Variants in URI1 observed in about 807,000 individuals in gnomAD.
The protein encoded by URI1 is URI1 prefoldin like chaperone, also known as unconventional prefoldin RPB5 interactor 1.
Under a neutral mutation model 60.2 loss-of-function variants are expected in URI1, and 39 were observed. The ratio of observed to expected loss-of-function variants is 0.65; its 90% CI spans 0.50 to 0.85. The LOEUF is 0.85. Among genes scored for constraint, URI1 ranks in the 40% least tolerant of loss-of-function variants. The pLI, the probability that URI1 is intolerant of heterozygous loss-of-function variation, is 0.00. For missense variants in URI1, 691 were observed against 665.9 expected (o/e 1.04, Z -0.42); for synonymous variants, 251 against 236.8 (o/e 1.06, Z -0.55).
intron 1 of URI1, among the ~76,000 whole-genome samples, chr19:29,946,767 G>A (rs1464813206): frequency 2.0e-5 from 3 of 152,284 alleles, no homozygotes; most frequent in Non-Finnish European, 2.9e-5. Context: ...TTCTTTCCAA[G>A]CCTAGAATCC....
intron 1 of URI1, among the ~76,000 whole-genome samples, chr19:29,944,193 A>AT (rs2055074692): frequency 6.8e-5 from 8 of 116,836 alleles, no homozygotes; most frequent in Non-Finnish European, 1.4e-4. Flanking sequence ...ATATATATAT[A>AT]AAACTTAACT....
At chr19:29,989,044 T>C (rs558292947) in intron 4 of URI1, among the ~76,000 whole-genome samples, 1 of 152,164 alleles carries the variant, frequency 6.6e-6, no homozygotes, top group Non-Finnish European at 1.5e-5. Context: ...GCACTTATTT[T>C]ATCTTTGTGT....
intron 1 of URI1, among the ~76,000 whole-genome samples, chr19:29,947,656 A>G (rs1233763000): frequency 1.3e-5 from 2 of 152,118 alleles, no homozygotes; most frequent in African/African-American, 4.8e-5. Context: ...ACTACTTTCT[A>G]TTGGGATGTT....
At chr19:29,975,999 T>C (rs2055518042) in intron 2 of URI1, among the ~76,000 whole-genome samples, 1 of 152,242 alleles carries the variant, frequency 6.6e-6, no homozygotes, top group Non-Finnish European at 1.5e-5. Context: ...CATTTAATAC[T>C]ATACCTACCC....
At chr19:30,006,684 C>A (rs575637141) in intron 6 of URI1, among the ~76,000 whole-genome samples, 1 of 152,164 alleles carries the variant, frequency 6.6e-6, no homozygotes, top group South Asian at 2.1e-4. Context: ...ATGATGGACT[C>A]GAGGTCATCT....
chr19:29,970,755 T>C (rs116262616), intron 1 of URI1, among the ~76,000 whole-genome samples: 2,068 of 152,214 alleles, frequency 0.014, 48 homozygotes, highest in African/African-American at 0.047. Flanking sequence ...TTTGGAGATA[T>C]ACTGACAAAA....
chr19:29,968,565 C>CTTTTTTTTTT (rs35475321), intron 1 of URI1, among the ~76,000 whole-genome samples: 14 of 74,428 alleles, frequency 1.9e-4, no homozygotes, highest in Non-Finnish European at 2.9e-4. Context: ...CTAATTTTTT[C>CTTTTTTTTTT]TTTTTTTTTT....
chr19:30,007,662 C>T, intron 7 of URI1, 24 bp downstream of exon 7: 1 of 1,545,172 alleles, frequency 6.5e-7, no homozygotes. Flanking sequence ...AATTATCTTT[C>T]CAAGATAATT....
At chr19:29,943,447 C>G (rs995714320) in intron 1 of URI1, among the ~76,000 whole-genome samples, 1 of 152,142 alleles carries the variant, frequency 6.6e-6, no homozygotes, top group African/African-American at 2.4e-5. Flanking sequence ...TCTGTCCCCT[C>G]AAGTGTCTTG....
Position 30,009,130 on chromosome 19 carries a change from A to T in URI1, c.812A>T (p.Asp271Val), listed in dbSNP as rs748013549. 6.2e-7 allele frequency: 1 copy of T among 1,613,966 alleles called. No individual in the cohort carries two copies. The highest frequency in any genetic ancestry group is 1.3e-5 in the African/African-American group (1 of 74,914). ...GACTCTCATACTCCTTGTCATAAGG[A>T]TGTTGCAAGTTCAGAACCATTCAGT... ...VTDSHTPCHK[D>V]VASSEPFSGQ... is the part of the protein sequence containing the mutation. Residue 271 changes from aspartate (D) to valine (V), a missense_variant, in exon 8 of 11, where the codon GAT becomes GTT. By Grantham distance (152) the Asp-to-Val change is radical. Coordinates refer to ENST00000392271, the MANE Select transcript of URI1 (RefSeq NM_003796.3).
chr19:29,983,710 GT>G (rs1046537846), intron 2 of URI1, among the ~76,000 whole-genome samples: 7 of 152,212 alleles, frequency 4.6e-5, no homozygotes, highest in Admixed American at 1.3e-4. Flanking sequence ...TCCAGAGAAA[GT>G]TTGACGGGCA....
chr19:29,990,762 G>A (rs1163234290), intron 4 of URI1, among the ~76,000 whole-genome samples: 2 of 152,026 alleles, frequency 1.3e-5, no homozygotes, highest in Non-Finnish European at 2.9e-5. Context: ...AGATTTTTAG[G>A]GGCAATGAAA....
At chr19:29,967,883 T>C (rs1343623576) in intron 1 of URI1, among the ~76,000 whole-genome samples, 1 of 152,226 alleles carries the variant, frequency 6.6e-6, no homozygotes, top group Non-Finnish European at 1.5e-5. Context: ...AAATAAAGAT[T>C]TAAACCGCCT....
intron 4 of URI1, among the ~76,000 whole-genome samples, chr19:29,986,660 A>G (rs898689545): frequency 2.0e-5 from 3 of 152,192 alleles, no homozygotes; most frequent in African/African-American, 4.8e-5. Flanking sequence ...CAAAGTTTCA[A>G]AGTCATTATG....
At chr19:29,958,244 C>T (rs1196754268) in intron 1 of URI1, among the ~76,000 whole-genome samples, 1 of 151,204 alleles carries the variant, frequency 6.6e-6, no homozygotes, top group Non-Finnish European at 1.5e-5. Flanking sequence ...TGTTTTTTGC[C>T]CTATTGTATG....
At chr19:29,984,144 G>A (rs926530300) in intron 2 of URI1, among the ~76,000 whole-genome samples, 1 of 152,036 alleles carries the variant, frequency 6.6e-6, no homozygotes, top group Non-Finnish European at 1.5e-5. Flanking sequence ...CTCTTCTTTC[G>A]GCCGGGTGTG....
At chr19:29,935,700 C>CTTTTTTTTTTCTTT (rs749828270) in intron 1 of URI1, among the ~76,000 whole-genome samples, 1 of 131,842 alleles carries the variant, frequency 7.6e-6, no homozygotes, top group African/African-American at 2.9e-5. Flanking sequence ...GGTTGACAGT[C>CTTTTTTTTTTCTTT]TTTTTTTTTT....
At chr19:30,005,137 AAT>A (rs1176638995) in intron 4 of URI1, among the ~76,000 whole-genome samples, 1 of 152,078 alleles carries the variant, frequency 6.6e-6, no homozygotes, top group East Asian at 1.9e-4. Flanking sequence ...ATAGAGAGAA[AAT>A]ATGTTAGACA....
intron 2 of URI1, among the ~76,000 whole-genome samples, chr19:29,974,694 T>A (rs186586216): frequency 7.9e-5 from 12 of 152,152 alleles, no homozygotes; most frequent in African/African-American, 2.9e-4. Flanking sequence ...ATCACCCAGA[T>A]AGCATAGTAC....
Sources: allele counts gnomAD v4.1 joint callset (sites outside exome capture counted in the v4.1 genomes callset), GRCh38; gene constraint gnomAD v4.1.1; transcripts MANE v1.5; gene names NCBI Gene and HGNC (gene_info 2026-07-23, HGNC 2026-07-21).